The following CBFA2T2 variants were observed in gnomAD, a reference collection of about 807,000 sequenced individuals.
CBFA2T2 encodes protein CBFA2T2.
CBFA2T2 carries 11 observed loss-of-function variants against 62.2 expected under a neutral mutation model. The observed-to-expected ratio is 0.18, with a 90% CI of 0.11 to 0.29. CBFA2T2 has a LOEUF of 0.29. CBFA2T2 is among the 10% of genes least tolerant of loss of function. CBFA2T2 has a pLI of 1.00. For missense variants in CBFA2T2, 592 were observed against 774.1 expected (o/e 0.76, Z 2.79); for synonymous variants, 295 against 287.5 (o/e 1.03, Z -0.27).
intron 1 of CBFA2T2, among the ~76,000 whole-genome samples, chr20:33,570,281 C>T (rs1410799997): frequency 6.7e-6 from 1 of 148,490 alleles, no homozygotes; most frequent in Non-Finnish European, 1.5e-5. Flanking sequence ...GACTCCATCT[C>T]AAAAACAAAC....
intron 1 of CBFA2T2, among the ~76,000 whole-genome samples, chr20:33,587,105 C>T (rs1015697294): frequency 2.6e-5 from 4 of 151,940 alleles, no homozygotes; most frequent in African/African-American, 9.7e-5. Flanking sequence ...CCATGCCTGG[C>T]GAATTCGATG....
chr20:33,528,346 T>C (rs546822124), intron 1 of CBFA2T2, among the ~76,000 whole-genome samples: 2 of 152,130 alleles, frequency 1.3e-5, no homozygotes, highest in East Asian at 3.9e-4. Context: ...GACATATGAG[T>C]AGAATAAAGG....
At chr20:33,509,640 C>T (rs1221311926) in intron 1 of CBFA2T2, among the ~76,000 whole-genome samples, 2 of 151,756 alleles carry the variant, frequency 1.3e-5, no homozygotes, top group African/African-American at 2.4e-5. Context: ...CCAGCCTGGC[C>T]CAATGTGATG....
At chr20:33,566,538 G>A (rs551772863) in intron 1 of CBFA2T2, among the ~76,000 whole-genome samples, 3 of 152,138 alleles carry the variant, frequency 2.0e-5, no homozygotes, top group Non-Finnish European at 4.4e-5. Context: ...CCTGGGAGGC[G>A]GAAGTTGCAG....
chr20:33,621,266 T>C (rs2015954640), intron 4 of CBFA2T2, among the ~76,000 whole-genome samples: 1 of 150,124 alleles, frequency 6.7e-6, no homozygotes, highest in South Asian at 2.1e-4. Context: ...AGTATCTCTA[T>C]AATACCTTTA....
chr20:33,575,692 A>G (rs2013789160), intron 1 of CBFA2T2, among the ~76,000 whole-genome samples: 1 of 152,222 alleles, frequency 6.6e-6, no homozygotes. Context: ...TATAAGAGTG[A>G]AGAGCTCAAG....
chr20:33,515,224 G>A (rs182353017), intron 1 of CBFA2T2, among the ~76,000 whole-genome samples: 16 of 151,430 alleles, frequency 1.1e-4, no homozygotes, highest in Non-Finnish European at 2.9e-5. Flanking sequence ...GGTGGCAGGC[G>A]CCTGTAGTCC....
At chr20:33,621,985 T>G (rs2016009764) in intron 4 of CBFA2T2, among the ~76,000 whole-genome samples, 1 of 152,226 alleles carries the variant, frequency 6.6e-6, no homozygotes, top group African/African-American at 2.4e-5. Flanking sequence ...AAGAAAGATT[T>G]GTGAAATTTG....
chr20:33,592,371 A>T (rs1027638311), intron 1 of CBFA2T2, among the ~76,000 whole-genome samples: 10 of 93,542 alleles, frequency 1.1e-4, no homozygotes, highest in East Asian at 4.4e-4. Flanking sequence ...CTCAAAAAAA[A>T]TTTTATATAT....
At chr20:33,496,734 A>AG (rs1452617224) in intron 1 of CBFA2T2, among the ~76,000 whole-genome samples, 4 of 152,278 alleles carry the variant, frequency 2.6e-5, no homozygotes, top group Admixed American at 2.6e-4. Context: ...ATTACAGAAG[A>AG]GATCGGAAAG....
At chr20:33,570,666 T>TAGG (rs2013526132) in intron 1 of CBFA2T2, among the ~76,000 whole-genome samples, 2 of 152,214 alleles carry the variant, frequency 1.3e-5, no homozygotes, top group South Asian at 4.1e-4. Flanking sequence ...TTCTGGTACT[T>TAGG]AGGAAGAATG....
At chr20:33,638,696 G>T (rs1415816025) in intron 9 of CBFA2T2, 1 of 152,194 alleles carries the variant, frequency 6.6e-6, no homozygotes, top group Non-Finnish European at 1.5e-5. Flanking sequence ...GTGTCCTTAG[G>T]CTTCTGGATT....
At chr20:33,636,991 G>C (rs80191902) in intron 9 of CBFA2T2, among the ~76,000 whole-genome samples, 5,706 of 152,288 alleles carry the variant, frequency 0.037, 160 homozygotes, top group Admixed American at 0.079. Flanking sequence ...GACATGTCCT[G>C]TTTCTGGGCT....
chr20:33,514,403 C>T (rs981589929), intron 1 of CBFA2T2, among the ~76,000 whole-genome samples: 3 of 151,446 alleles, frequency 2.0e-5, no homozygotes, highest in African/African-American at 4.9e-5. Context: ...TTAGTAGAGA[C>T]GGGGTTTCAC....
chr20:33,544,026 T>G (rs2012472508), intron 1 of CBFA2T2, among the ~76,000 whole-genome samples: 1 of 152,156 alleles, frequency 6.6e-6, no homozygotes, highest in African/African-American at 2.4e-5. Context: ...GCTTCCTAGT[T>G]GTTTTCCCTG....
At chr20:33,504,631 G>C (rs2011369903) in intron 1 of CBFA2T2, among the ~76,000 whole-genome samples, 1 of 152,036 alleles carries the variant, frequency 6.6e-6, no homozygotes, top group African/African-American at 2.4e-5. Flanking sequence ...TCGAAATCCT[G>C]ACCTCAGGTG....
chr20:33,527,881 T>A (rs1279258248), intron 1 of CBFA2T2, among the ~76,000 whole-genome samples: 3 of 152,206 alleles, frequency 2.0e-5, no homozygotes, highest in East Asian at 3.9e-4. Flanking sequence ...TATTTTCTTT[T>A]TTTTCTTTGC....
At chr20:33,558,817 ACTGT>A (rs2012994578) in intron 1 of CBFA2T2, among the ~76,000 whole-genome samples, 3 of 149,458 alleles carry the variant, frequency 2.0e-5, no homozygotes, top group South Asian at 4.2e-4. Context: ...TTTTTCGCCA[ACTGT>A]TTGGGGGGGC....
At chr20:33,577,121 C>A (rs1254064289) in intron 1 of CBFA2T2, among the ~76,000 whole-genome samples, 1 of 152,204 alleles carries the variant, frequency 6.6e-6, no homozygotes, top group Non-Finnish European at 1.5e-5. Context: ...TTGGAAAACA[C>A]AGTAGAGTAC....
Sources: allele counts gnomAD v4.1 joint callset (sites outside exome capture counted in the v4.1 genomes callset), GRCh38; gene constraint gnomAD v4.1.1; transcripts MANE v1.5; gene names NCBI Gene and HGNC (gene_info 2026-07-23, HGNC 2026-07-21).